OR1B1: variants seen among roughly 807,000 people sequenced by gnomAD.
OR1B1 encodes the protein olfactory receptor 1B1.
For synonymous variants in OR1B1, 168 were observed against 156.2 expected (o/e 1.08, Z -0.57); for missense variants, 414 against 402.1 (o/e 1.03, Z -0.25).
chr9:122,628,931 T>A, exon 1 of OR1B1: 1 of 1,614,048 alleles, frequency 6.2e-7, no homozygotes. Context: ...TATGGCCAGC[T>A]CATTAGAATG....
chr9:122,631,827 T>C (rs1438062593), upstream of OR1B1, among the ~76,000 whole-genome samples: 1 of 152,048 alleles, frequency 6.6e-6, no homozygotes, highest in Admixed American at 6.5e-5. Flanking sequence ...CCACACAGGG[T>C]ATGTGAGAAC....
At chr9:122,629,420 G>C (rs1415365590) in exon 1 of OR1B1, 2 of 1,613,948 alleles carry the variant, frequency 1.2e-6, no homozygotes, top group Admixed American at 3.3e-5. Context: ...CAGTATGGTG[G>C]TCAGGTAAAT....
At chr9:122,628,564 C>A, downstream of OR1B1, 1 of 1,525,688 alleles carries the variant, frequency 6.6e-7, no homozygotes, top group Non-Finnish European at 9.0e-7. Context: ...TTCAATATGG[C>A]CCACAGCAGG....
chr9:122,629,208 C>T lies in OR1B1; in HGVS notation c.328G>A (p.Gly110Arg), dbSNP rs146422428. 58 of 1,613,964 alleles carry T rather than the reference C, an allele frequency of 3.6e-5. No individual in the cohort carries two copies. In the African/African-American group the frequency reaches 6.5e-4, roughly 18 times the overall value. The stretch of plus-strand genomic sequence containing the variant: ...GCAATGACAAGTGTATCTGTAACCC[C>T]AAATGCATAGAAGAAAAAGAACTGA... Residue 110 changes from glycine to arginine, a missense_variant, in exon 1 of 1, where the codon GGG becomes AGG. Coordinates refer to ENST00000623530, the Ensembl canonical transcript of OR1B1.
At chr9:122,635,056 A>G in the OR1B1 span, among the ~76,000 whole-genome samples, 928 of 152,238 alleles carry the variant, frequency 6.1e-3, 8 homozygotes, top group African/African-American at 0.021. Context: ...ATAAATCAGC[A>G]CCTCATAGAG....
At chr9:122,640,907 C>T in the OR1B1 span, among the ~76,000 whole-genome samples, 54 of 152,066 alleles carry the variant, frequency 3.6e-4, no homozygotes, top group Admixed American at 1.1e-3. Flanking sequence ...AGTGATGGGA[C>T]ATTAAGACAC....
At chr9:122,654,848 T>TC in the OR1B1 span, among the ~76,000 whole-genome samples, 39 of 152,342 alleles carry the variant, frequency 2.6e-4, no homozygotes, top group African/African-American at 8.2e-4. Context: ...TAACAGGATT[T>TC]CCCCCCTTTG....
chr9:122,647,911 T>G, the OR1B1 span, among the ~76,000 whole-genome samples: 1 of 152,226 alleles, frequency 6.6e-6, no homozygotes, highest in Non-Finnish European at 1.5e-5. Context: ...ATTTTTCCTA[T>G]CATTCTCCAA....
exon 1 of OR1B1, chr9:122,628,961 C>T (rs2118805626): frequency 3.7e-6 from 6 of 1,614,036 alleles, no homozygotes; most frequent in Non-Finnish European, 5.1e-6. Context: ...ACAAGAGGCT[C>T]GCAGAAGTGG....
the OR1B1 span, among the ~76,000 whole-genome samples, chr9:122,652,287 ATGAC>A: frequency 4.6e-5 from 7 of 152,356 alleles, no homozygotes; most frequent in East Asian, 1.3e-3. Context: ...TTAATTTTAT[ATGAC>A]TGATTGCTAG....
the OR1B1 span, among the ~76,000 whole-genome samples, chr9:122,650,389 A>T: frequency 6.6e-6 from 1 of 151,802 alleles, no homozygotes; most frequent in Non-Finnish European, 1.5e-5. Context: ...CCCAGAACTT[A>T]AAGTATAATT....
chr9:122,655,781 C>T, the OR1B1 span, among the ~76,000 whole-genome samples: 2 of 151,440 alleles, frequency 1.3e-5, no homozygotes, highest in Admixed American at 6.6e-5. Flanking sequence ...ACCACCGTGG[C>T]GCACCTTTAC....
chr9:122,633,881 A>T (rs1476873200), upstream of OR1B1, among the ~76,000 whole-genome samples: 3 of 144,580 alleles, frequency 2.1e-5, no homozygotes, highest in African/African-American at 7.8e-5. Flanking sequence ...GTGAGCTGAG[A>T]TCACACCACT....
chr9:122,645,434 G>A, the OR1B1 span, among the ~76,000 whole-genome samples: 2 of 151,916 alleles, frequency 1.3e-5, no homozygotes, highest in Admixed American at 6.6e-5. Flanking sequence ...AGTACAAGAA[G>A]GTTATAGAAC....
At chr9:122,630,198 G>A (rs1255235855), upstream of OR1B1, among the ~76,000 whole-genome samples, 2 of 152,180 alleles carry the variant, frequency 1.3e-5, no homozygotes, top group Non-Finnish European at 2.9e-5. Flanking sequence ...CATGTTTGCT[G>A]ATAACGTGAT....
upstream of OR1B1, among the ~76,000 whole-genome samples, chr9:122,631,029 T>C (rs1217117740): frequency 6.6e-6 from 1 of 151,534 alleles, no homozygotes; most frequent in Non-Finnish European, 1.5e-5. Flanking sequence ...CTAGACATTT[T>C]TTCTTAATTC....
At chr9:122,644,077 G>A in the OR1B1 span, among the ~76,000 whole-genome samples, 1 of 152,154 alleles carries the variant, frequency 6.6e-6, no homozygotes, top group Admixed American at 6.5e-5. Flanking sequence ...GAAAATCAGA[G>A]GGGAAAAGTA....
At chr9:122,650,624 G>A in the OR1B1 span, among the ~76,000 whole-genome samples, 145 of 152,138 alleles carry the variant, frequency 9.5e-4, no homozygotes, top group African/African-American at 3.4e-3. Context: ...AAATTCCAGA[G>A]CCTGCATTTA....
chr9:122,640,032 A>C, the OR1B1 span, among the ~76,000 whole-genome samples: 1 of 152,116 alleles, frequency 6.6e-6, no homozygotes, highest in Admixed American at 6.6e-5. Context: ...CAAATGGGGA[A>C]ACTGAAGCAT....
Sources: allele counts gnomAD v4.1 joint callset (sites outside exome capture counted in the v4.1 genomes callset), GRCh38; gene constraint gnomAD v4.1.1; transcripts MANE v1.5; gene names NCBI Gene and HGNC (gene_info 2026-07-23, HGNC 2026-07-21).